COL8A2: variants seen among roughly 807,000 people sequenced by gnomAD.
COL8A2 encodes collagen alpha-2(VIII) chain.
A neutral mutation model predicts 24.0 loss-of-function variants in COL8A2; 16 were observed. That is an observed-to-expected ratio of 0.67 (90% CI 0.45 to 1.01). The LOEUF (loss-of-function observed/expected upper bound fraction) is 1.01. Ranked by LOEUF, COL8A2 falls within the 50% of genes least tolerant of loss-of-function variation. COL8A2 has a pLI of 0.00. For missense variants in COL8A2, 818 were observed against 942.4 expected, an observed-to-expected ratio of 0.87 and a Z score of 1.73; for synonymous variants, 466 against 424.5, an observed-to-expected ratio of 1.10 and a Z score of -1.20.
Position 36,123,321 on chromosome 1 carries a change from G to C in COL8A2, c.-62+1736C>G, listed in dbSNP as rs1570064364. The stretch of plus-strand genomic sequence containing the variant: ...CCAGCAGGGCAAGGAAGCTGGGGCT[G>C]TGCGTCCTTTGTTCCGGCTCAGGCA... On this transcript the variant is annotated intron_variant, in intron 1 of 3. Transcript: ENST00000397799. This position sits in a 1 kb window ranked among gnomAD's most constrained non-coding sequence, Gnocchi z 4.1. 6.6e-6 allele frequency among the ~76,000 whole-genome samples: 1 copy of C among 152,380 alleles called. No homozygotes were observed. Among genetic ancestry groups the C allele is most frequent in the South Asian group, 2.1e-4 (1 of 4,834 alleles).
rs939407597 is a variant in COL8A2 at position 36,123,120 on chromosome 1, G to A, written c.-62+1937C>T. Among the ~76,000 whole-genome samples the A allele has an allele frequency of 6.6e-6, 1 of 152,216 alleles. No homozygotes were observed. The highest frequency in any genetic ancestry group is 1.5e-5 in the Non-Finnish European group (1 of 68,036). On this transcript the variant is annotated intron_variant, in intron 1 of 3. Transcript: ENST00000397799. The surrounding 1 kb of genome is among the most constrained non-coding windows in gnomAD (Gnocchi z 4.1). Reference sequence around the variant, plus strand: ...GTGCCCCTCCTCGGGTACCTAGTAGGGCACCGTGAGACCACAGCCACACCC... The same window carrying A: ...GTGCCCCTCCTCGGGTACCTAGTAGAGCACCGTGAGACCACAGCCACACCC...
rs769321257 is a variant in COL8A2, at chr1:36,097,907, C to T, written c.1774G>A (p.Val592Met). 16 of 1,612,098 alleles carry T rather than the reference C, an allele frequency of 9.9e-6. No individual in the cohort carries two copies. The highest frequency in any genetic ancestry group is 1.2e-5 in the Non-Finnish European group (14 of 1,179,950). Reference sequence around the variant, plus strand: ...TTGTAGAGAGTCCGGTCAAATTTCACGGGCATGCCCGAGGCGGGGAAGGGC... The same window carrying T: ...TTGTAGAGAGTCCGGTCAAATTTCATGGGCATGCCCGAGGCGGGGAAGGGC... ...TSPFPASGMP[V>M]KFDRTLYNGH... is the part of the protein sequence containing the mutation. The change falls in exon 4 of 4, where the codon GTG becomes ATG. Residue 592 changes from valine (V) to methionine (M), a missense_variant. By Grantham distance (21) the Val-to-Met change is conservative. Around this residue, in one of 3 missense-constraint regions of COL8A2, gnomAD observed 235 missense variants for 297.3 expected, o/e 0.79. Coordinates refer to ENST00000397799, the MANE Select transcript of COL8A2 (RefSeq NM_005202.4).
At chr1:36,104,527 G>C (rs1177332957) in intron 2 of COL8A2, among the ~76,000 whole-genome samples, 1 of 148,636 alleles carries the variant, frequency 6.7e-6, no homozygotes, top group Non-Finnish European at 1.5e-5. Flanking sequence ...ATACAAATAG[G>C]CTGGACGCGG....
At chr1:36,124,919 G>A (rs578204739) in intron 1 of COL8A2, 138 bp downstream of exon 1, 119 of 191,124 alleles carry the variant, frequency 6.2e-4, no homozygotes, top group African/African-American at 2.7e-3. Flanking sequence ...CCCCTGGCCC[G>A]AGTCCCCCAC....
At position 36,115,106 on chromosome 1, in the gene COL8A2, C is replaced by A. The variant is rs1643872865; in HGVS notation, c.-17+602G>T. ...TAGCCAGGCAGCTGGCCCTTCCCCA[C>A]CCAGGGGCTCCGGCCTCAGCTGGGG... On this transcript the variant is annotated intron_variant, in intron 2 of 3. Coordinates refer to ENST00000397799, the MANE Select transcript of COL8A2 (RefSeq NM_005202.4). This position sits in a 1 kb window ranked among gnomAD's most constrained non-coding sequence, Gnocchi z 5.7. Among the ~76,000 whole-genome samples the A allele has an allele frequency of 1.3e-5, 2 of 152,180 alleles. No individual in the cohort carries two copies. Among genetic ancestry groups the A allele is most frequent in the Non-Finnish European group, 2.9e-5 (2 of 68,020 alleles).
intron 2 of COL8A2, among the ~76,000 whole-genome samples, chr1:36,109,932 T>C (rs1204438375): frequency 2.5e-5 from 3 of 121,566 alleles, no homozygotes; most frequent in Non-Finnish European, 5.1e-5. Flanking sequence ...TTACTTCCTT[T>C]TTTTTTTTTT....
intron 2 of COL8A2, among the ~76,000 whole-genome samples, chr1:36,101,707 T>C (rs144087323): frequency 6.6e-6 from 1 of 152,284 alleles, no homozygotes; most frequent in East Asian, 1.9e-4. Flanking sequence ...ACAAATAAAA[T>C]GTGGTATCGC....
chr1:36,113,187 T>C (rs1039653796), intron 2 of COL8A2, among the ~76,000 whole-genome samples: 3 of 152,196 alleles, frequency 2.0e-5, no homozygotes, highest in African/African-American at 7.2e-5. Flanking sequence ...GAGTGTGTGC[T>C]GTGCCCTCTG....
At chr1:36,103,812 G>C (rs1478659943) in intron 2 of COL8A2, among the ~76,000 whole-genome samples, 2 of 151,910 alleles carry the variant, frequency 1.3e-5, no homozygotes, top group Non-Finnish European at 2.9e-5. Flanking sequence ...TCAAACTCCT[G>C]ACCTCAGGTG....
In COL8A2 at chr1:36,098,720, G is replaced by T. The variant is rs778332893; in HGVS notation, c.961C>A (p.Pro321Thr). The T allele has an allele frequency of 5.6e-6, 9 of 1,610,410 alleles. No homozygotes were observed. In the East Asian group the frequency reaches 1.8e-4, roughly 32 times the overall value. ...GPTGYGMPGL[P>T]GPKGDRGPAG... Reference sequence around the variant, plus strand: ...GGGCCCCTGTCCCCCTTGGGGCCTGGCAGTCCTGGCATCCCATAGCCAGTG... The same window carrying T: ...GGGCCCCTGTCCCCCTTGGGGCCTGTCAGTCCTGGCATCCCATAGCCAGTG... Residue 321 changes from proline (P) to threonine (T), a missense_variant, in exon 4 of 4, where the codon CCA becomes ACA. By Grantham distance (38) the Pro-to-Thr change is conservative. Coordinates refer to ENST00000397799, the MANE Select transcript of COL8A2 (RefSeq NM_005202.4).
At chr1:36,119,862 G>A (rs1643897680) in intron 1 of COL8A2, among the ~76,000 whole-genome samples, 1 of 152,148 alleles carries the variant, frequency 6.6e-6, no homozygotes. Flanking sequence ...TGTAAGGAGA[G>A]GCAGGCTGGC....
rs1055248281 is a variant in COL8A2 at position 36,115,757 on chromosome 1, G to A, written c.-61-5C>T. ...AGGTTCCAGCAGAGGCAGGGCCTGAGGATGAACAAGAGAAACAGTGAGGCT... is the reference window on the plus strand; with the variant it reads ...AGGTTCCAGCAGAGGCAGGGCCTGAAGATGAACAAGAGAAACAGTGAGGCT... On this transcript the variant is annotated splice_region_variant and splice_polypyrimidine_tract_variant and intron_variant, in intron 1 of 3. Transcript: ENST00000397799. This position sits in a 1 kb window ranked among gnomAD's most constrained non-coding sequence, Gnocchi z 5.7. 1.0e-6 allele frequency: 1 copy of A among 985,396 alleles called. No individual in the cohort carries two copies. Among genetic ancestry groups the A allele is most frequent in the Non-Finnish European group, 1.2e-6 (1 of 829,980 alleles). The allele number at this position is 985,396 out of a possible 1,614,324, so 61.0% of individuals were successfully genotyped here. A position where few individuals can be genotyped will look rare whatever the true frequency, so the allele number is the denominator to read the frequency against.
At chr1:36,108,854 G>A (rs146996112) in intron 2 of COL8A2, among the ~76,000 whole-genome samples, 92 of 152,312 alleles carry the variant, frequency 6.0e-4, no homozygotes, top group African/African-American at 2.1e-3. Flanking sequence ...CCTGGTCTCC[G>A]AAAGAGTCCT....
At chr1:36,112,776 G>A (rs1172245601) in intron 2 of COL8A2, among the ~76,000 whole-genome samples, 1 of 152,178 alleles carries the variant, frequency 6.6e-6, no homozygotes, top group Non-Finnish European at 1.5e-5. Context: ...CTGGATGACT[G>A]GGACAGCCTA....
At chr1:36,106,533 G>C (rs1643764376) in intron 2 of COL8A2, among the ~76,000 whole-genome samples, 1 of 152,178 alleles carries the variant, frequency 6.6e-6, no homozygotes, top group African/African-American at 2.4e-5. Flanking sequence ...GGCAGAGTGT[G>C]TGGCAGGAAG....
rs986771480 is a variant in COL8A2, at chr1:36,123,933, C to A, written c.-62+1124G>T. Among the ~76,000 whole-genome samples the A allele has an allele frequency of 2.8e-4, 43 of 152,238 alleles. No homozygotes were observed. The highest frequency in any genetic ancestry group is 7.2e-4 in the African/African-American group (30 of 41,532). On this transcript the variant is annotated intron_variant, in intron 1 of 3. Transcript: ENST00000397799. This position sits in a 1 kb window ranked among gnomAD's most constrained non-coding sequence, Gnocchi z 4.1. The stretch of plus-strand genomic sequence containing the variant: ...CCAGAGATCACCAACTCCTGCCCTG[C>A]GGCCCCCTCTGCTTGGGGCAGTAAG...
At chr1:36,113,740 G>A (rs1643865963) in intron 2 of COL8A2, among the ~76,000 whole-genome samples, 1 of 152,208 alleles carries the variant, frequency 6.6e-6, no homozygotes, top group African/African-American at 2.4e-5. Flanking sequence ...CACCTGGTCT[G>A]CCCTACCAGA....
intron 3 of COL8A2, 44 bp from the exon 4 acceptor site, chr1:36,099,531 G>A: frequency 1.4e-6 from 2 of 1,400,214 alleles, no homozygotes; most frequent in Non-Finnish European, 2.0e-6. Context: ...CTGAACTGTG[G>A]GGACAGGGGA....
At position 36,099,000 on chromosome 1, in the gene COL8A2, G is replaced by T. The variant is rs771027559; in HGVS notation, c.681C>A (p.Pro227=). Residue 227 remains proline, a synonymous_variant, in exon 4 of 4, where the codon CCC becomes CCA. Coordinates refer to ENST00000397799, the MANE Select transcript of COL8A2 (RefSeq NM_005202.4). ...AGCCAGCTGGACCAGGGAGGCCGGGGGGGCCGGGGGCACCCCCCTGCCCTG... is the reference window on the plus strand; with the variant it reads ...AGCCAGCTGGACCAGGGAGGCCGGGTGGGCCGGGGGCACCCCCCTGCCCTG... The part of the protein sequence containing the change: ...GAPGQGGAPG[P]PGLPGPAGLG... 2 of 1,590,026 alleles carry T rather than the reference G, an allele frequency of 1.3e-6. No homozygotes were observed. Among genetic ancestry groups the T allele is most frequent in the Non-Finnish European group, 8.6e-7 (1 of 1,166,684 alleles).
Sources: allele counts gnomAD v4.1 joint callset (sites outside exome capture counted in the v4.1 genomes callset), GRCh38; gene constraint gnomAD v4.1.1; regional missense constraint gnomAD v4.1.1; non-coding constraint Gnocchi (gnomAD v3.1); transcripts MANE v1.5; gene names NCBI Gene and HGNC (gene_info 2026-07-23, HGNC 2026-07-21).